HCRTR2: variants seen among roughly 807,000 people sequenced by gnomAD.
HCRTR2 encodes the protein hypocretin receptor 2.
Under a neutral mutation model 49.0 loss-of-function variants are expected in HCRTR2, and 22 were observed. That is an observed-to-expected ratio of 0.45 (90% CI 0.32 to 0.64). The LOEUF is 0.64. Among genes scored for constraint, HCRTR2 ranks in the 30% least tolerant of loss-of-function variants. The probability of loss-of-function intolerance (pLI) is 0.04; values close to 1 mark genes in which losing one functional copy is unlikely to be tolerated. For missense variants in HCRTR2, 491 were observed against 559.4 expected (o/e 0.88, Z 1.23); for synonymous variants, 236 against 205.3 (o/e 1.15, Z -1.28).
intron 1 of HCRTR2, among the ~76,000 whole-genome samples, chr6:55,123,426 A>C (rs956721653): frequency 2.0e-5 from 3 of 152,040 alleles, no homozygotes; most frequent in Non-Finnish European, 4.4e-5. Context: ...GATGGTTTGC[A>C]TTTACTGATT....
chr6:55,203,949 A>G (rs1032531430), intron 1 of HCRTR2, among the ~76,000 whole-genome samples: 2 of 152,086 alleles, frequency 1.3e-5, no homozygotes, highest in African/African-American at 4.8e-5. Flanking sequence ...GATCTGACTT[A>G]TATTTAACAG....
chr6:55,119,303 G>C (rs192144897), intron 1 of HCRTR2, among the ~76,000 whole-genome samples: 1 of 152,146 alleles, frequency 6.6e-6, no homozygotes, highest in Non-Finnish European at 1.5e-5. Flanking sequence ...ACCCGCTAAT[G>C]GGATTGCTGG....
chr6:55,258,858 C>A (rs1051721419), intron 3 of HCRTR2, among the ~76,000 whole-genome samples: 4 of 152,046 alleles, frequency 2.6e-5, no homozygotes, highest in African/African-American at 9.7e-5. Context: ...GGAGACCAGC[C>A]TGGCCAACAT....
At chr6:55,170,680 C>T (rs1010134154), upstream of HCRTR2, among the ~76,000 whole-genome samples, 3 of 150,990 alleles carry the variant, frequency 2.0e-5, no homozygotes, top group African/African-American at 7.3e-5. Flanking sequence ...GTGTGCTGCA[C>T]CCATTAACTC....
At chr6:55,141,537 T>C (rs968271512) in intron 1 of HCRTR2, among the ~76,000 whole-genome samples, 2 of 152,186 alleles carry the variant, frequency 1.3e-5, no homozygotes, top group African/African-American at 2.4e-5. Context: ...GTAATAAGTA[T>C]ACTAATTTTA....
chr6:55,242,880 A>G (rs541767776), intron 1 of HCRTR2, among the ~76,000 whole-genome samples: 2 of 152,348 alleles, frequency 1.3e-5, no homozygotes, highest in South Asian at 2.1e-4. Flanking sequence ...TTATTTTCCC[A>G]TTTGAAAATC....
intron 1 of HCRTR2, among the ~76,000 whole-genome samples, chr6:55,185,468 G>C (rs1004226091): frequency 1.3e-5 from 2 of 151,958 alleles, no homozygotes; most frequent in Admixed American, 6.6e-5. Flanking sequence ...AGAGAAAAGG[G>C]GGAGAATAAA....
chr6:55,258,943 C>T (rs1460995731), intron 3 of HCRTR2, among the ~76,000 whole-genome samples: 1 of 152,018 alleles, frequency 6.6e-6, no homozygotes. Flanking sequence ...TCCAGCTACT[C>T]GGGAAGCTGA....
intron 5 of HCRTR2, 117 bp downstream of exon 5, chr6:55,277,717 T>C (rs1439931236): frequency 1.3e-5 from 10 of 785,596 alleles, no homozygotes; most frequent in South Asian, 9.3e-5. Context: ...CTTAGATACC[T>C]TGTCAGGCCA....
At chr6:55,172,561 C>A (rs1188264079), upstream of HCRTR2, among the ~76,000 whole-genome samples, 2 of 152,012 alleles carry the variant, frequency 1.3e-5, no homozygotes, top group African/African-American at 4.8e-5. Context: ...GGAAATACAA[C>A]AATATTTCTC....
At chr6:55,217,278 C>T (rs1441081378) in intron 1 of HCRTR2, among the ~76,000 whole-genome samples, 1 of 152,168 alleles carries the variant, frequency 6.6e-6, no homozygotes, top group Non-Finnish European at 1.5e-5. Context: ...ATCTGACTCC[C>T]TTCTATCAGT....
At chr6:55,134,684 T>C (rs1375298227) in intron 1 of HCRTR2, among the ~76,000 whole-genome samples, 2 of 151,968 alleles carry the variant, frequency 1.3e-5, no homozygotes, top group African/African-American at 4.8e-5. Flanking sequence ...TCTCTTTCTA[T>C]GGGATCAACT....
Position 55,108,018 on chromosome 6 carries a change from GA to G in HCRTR2, c.-378+1480del, listed in dbSNP as rs1218365414. ...ATATAATAGCACTAAAATCAGAAAA[GA>G]AAAAAATTGATACATGTTAACTTTT... On this transcript the variant is annotated intron_variant, in intron 1 of 7. Transcript: ENST00000615358. Among the ~76,000 whole-genome samples the G allele has an allele frequency of 7.2e-5, 11 of 152,010 alleles. No homozygotes were observed. The South Asian group carries it at 1.2e-3, about 17-fold the overall frequency.
chr6:55,265,566 C>A (rs1210032705), intron 4 of HCRTR2, among the ~76,000 whole-genome samples: 1 of 152,094 alleles, frequency 6.6e-6, no homozygotes, highest in Non-Finnish European at 1.5e-5. Context: ...TGTGTTACAT[C>A]TCACTTTTCA....
At chr6:55,143,550 G>T (rs1248421927) in intron 1 of HCRTR2, among the ~76,000 whole-genome samples, 1 of 152,128 alleles carries the variant, frequency 6.6e-6, no homozygotes, top group African/African-American at 2.4e-5. Flanking sequence ...GTCTTATTTG[G>T]AATTGTGTGA....
chr6:55,282,367 C>G lies in HCRTR2; in HGVS notation c.1248C>G (p.Asn416Lys), dbSNP rs1234264878. 6.2e-7 allele frequency: 1 copy of G among 1,612,804 alleles called. No individual in the cohort carries two copies. The highest frequency in any genetic ancestry group is 1.1e-5 in the South Asian group (1 of 91,052). ...SLTTQISNFD[N>K]ISKLSEQVVL... The stretch of plus-strand genomic sequence containing the variant: ...CCACTCAAATCAGCAACTTTGATAA[C>G]ATATCAAAACTTTCTGAGCAAGTTG... The change falls in exon 7 of 7, where the codon AAC becomes AAG. Residue 416 changes from asparagine (N) to lysine (K), a missense_variant. Physicochemically the swap from Asn to Lys is moderately conservative, Grantham distance 94. Coordinates refer to ENST00000370862, the MANE Select transcript of HCRTR2 (RefSeq NM_001384272.1).
chr6:55,250,501 A>G (rs547913443), intron 2 of HCRTR2, among the ~76,000 whole-genome samples: 1 of 152,148 alleles, frequency 6.6e-6, no homozygotes, highest in African/African-American at 2.4e-5. Context: ...AGAATCTTCA[A>G]CTGACTGGTA....
chr6:55,276,939 A>T (rs770222585), intron 4 of HCRTR2, among the ~76,000 whole-genome samples: 1 of 152,218 alleles, frequency 6.6e-6, no homozygotes, highest in Non-Finnish European at 1.5e-5. Context: ...CTCTGGCAGC[A>T]GATGGCAGTA....
intron 1 of HCRTR2, among the ~76,000 whole-genome samples, chr6:55,115,495 TGTG>T (rs1392565540): frequency 6.9e-4 from 105 of 151,296 alleles, no homozygotes; most frequent in Non-Finnish European, 3.1e-4. Context: ...TGTGTGTGTG[TGTG>T]TGTGTGTGTG....
Sources: gnomAD v4.1 joint callset for allele counts (sites outside exome capture counted in the v4.1 genomes callset) on GRCh38, gnomAD v4.1.1 for gene constraint, MANE v1.5 for transcripts, NCBI Gene and HGNC (gene_info 2026-07-23, HGNC 2026-07-21) for gene names.